Variants in DMRT1 observed in about 807,000 individuals in gnomAD.
The protein encoded by DMRT1 is doublesex and mab-3 related transcription factor 1, also known as doublesex- and mab-3-related transcription factor 1.
In DMRT1, 7 loss-of-function variants were observed where a neutral mutation model predicts 32.3. The ratio of observed to expected loss-of-function variants is 0.22; its 90% CI spans 0.12 to 0.41. DMRT1 has a LOEUF of 0.41. DMRT1 is among the 10% of genes least tolerant of loss of function. The pLI is 1.00. For synonymous variants in DMRT1, 278 were observed against 206.1 expected, an observed-to-expected ratio of 1.35 and a Z score of -2.99; for missense variants, 625 against 500.5, an observed-to-expected ratio of 1.25 and a Z score of -2.37.
rs144276519 is a variant in DMRT1, at chr9:927,656, G to A, written c.967+10749G>A. On this transcript the variant is annotated intron_variant, in intron 4 of 4. Transcript: ENST00000382276. ...TACTTCCCATCTTGCCCGTATACAC[G>A]GGGTATACAATAGATGCTGAGGTCA... is the stretch of plus-strand genomic sequence containing the variant. Among the ~76,000 whole-genome samples the A allele has an allele frequency of 4.5e-4, 68 of 152,262 alleles. 1 individual carries two copies. The East Asian group carries it at 0.013, about 28-fold the overall frequency.
intron 2 of DMRT1, among the ~76,000 whole-genome samples, chr9:885,412 G>A (rs980668288): frequency 3.9e-5 from 6 of 152,186 alleles, no homozygotes; most frequent in African/African-American, 1.4e-4. Context: ...AGCAGATAGG[G>A]GAGTCAGAAA....
intron 2 of DMRT1, among the ~76,000 whole-genome samples, chr9:881,301 A>G (rs1222429978): frequency 6.6e-6 from 1 of 152,246 alleles, no homozygotes; most frequent in Admixed American, 6.5e-5. Context: ...TGAACTAGGT[A>G]TAATCTTGAG....
At chr9:950,705 T>G (rs1819401021) in intron 4 of DMRT1, among the ~76,000 whole-genome samples, 1 of 152,188 alleles carries the variant, frequency 6.6e-6, no homozygotes. Context: ...TAGATGAGCC[T>G]TCCTAAGAAT....
chr9:889,377 T>C (rs936118438), intron 2 of DMRT1, among the ~76,000 whole-genome samples: 3 of 152,226 alleles, frequency 2.0e-5, no homozygotes, highest in African/African-American at 7.2e-5. Context: ...AAAGTTCAAA[T>C]GGTTTTATTA....
Position 847,007 on chromosome 9 carries a change from C to A in DMRT1, c.402C>A (p.Ser134Arg), listed in dbSNP as rs771785360. Residue 134 changes from serine (S) to arginine (R), a missense_variant, in exon 2 of 5, where the codon AGC becomes AGA. Coordinates refer to ENST00000382276, the MANE Select transcript of DMRT1 (RefSeq NM_021951.3). Reference sequence around the variant, plus strand: ...CCCAGGAGGAGGAATTGGGTATCAGCCACCCCATCCCACTGCCCAGTGCGG... The same window carrying A: ...CCCAGGAGGAGGAATTGGGTATCAGACACCCCATCCCACTGCCCAGTGCGG... The part of the protein sequence containing the change: ...QQAQEEELGI[S>R]HPIPLPSAAE... 6.2e-7 allele frequency: 1 copy of A among 1,614,140 alleles called. No homozygotes were observed. The highest frequency in any genetic ancestry group is 8.5e-7 in the Non-Finnish European group (1 of 1,180,048).
intron 3 of DMRT1, among the ~76,000 whole-genome samples, chr9:904,178 A>G (rs1212020834): frequency 6.6e-6 from 1 of 152,164 alleles, no homozygotes; most frequent in Non-Finnish European, 1.5e-5. Flanking sequence ...AAATTTAGAT[A>G]ATTAGATCAC....
intron 4 of DMRT1, among the ~76,000 whole-genome samples, chr9:961,584 G>C (rs1455620318): frequency 6.6e-6 from 1 of 152,192 alleles, no homozygotes; most frequent in South Asian, 2.1e-4. Flanking sequence ...CAAAAAGATT[G>C]AAAAAGGCAG....
intron 4 of DMRT1, among the ~76,000 whole-genome samples, chr9:939,562 G>A (rs1818994137): frequency 6.6e-6 from 1 of 152,108 alleles, no homozygotes; most frequent in Admixed American, 6.6e-5. Context: ...TTTGTTCTCT[G>A]GACTTTATTA....
At chr9:878,213 C>G (rs1025727056) in intron 2 of DMRT1, among the ~76,000 whole-genome samples, 3 of 130,722 alleles carry the variant, frequency 2.3e-5, no homozygotes, top group Admixed American at 7.8e-5. Context: ...CCCCCCCCAC[C>G]CAATAAAAAT....
chr9:871,402 G>T (rs185920995), intron 2 of DMRT1, among the ~76,000 whole-genome samples: 15 of 150,192 alleles, frequency 1.0e-4, no homozygotes, highest in Admixed American at 7.3e-4. Flanking sequence ...GCACAATCTC[G>T]GCTCACTGCA....
At chr9:905,848 C>T (rs1193114519) in intron 3 of DMRT1, among the ~76,000 whole-genome samples, 1 of 152,128 alleles carries the variant, frequency 6.6e-6, no homozygotes, top group South Asian at 2.1e-4. Context: ...TAGTACTGCA[C>T]GGCTGGAAAC....
At position 841,709 on chromosome 9, in the gene DMRT1, C is replaced by T. The variant is rs1258498219; in HGVS notation, c.-130C>T. On this transcript the variant is annotated 5_prime_UTR_variant, in exon 1 of 5. Transcript: ENST00000382276. Reference sequence around the variant, plus strand: ...CCCAGACCTCGCCACTCCAGCTGCGCCTCCGGCTGCAGCGCACACGTCTCC... The same window carrying T: ...CCCAGACCTCGCCACTCCAGCTGCGTCTCCGGCTGCAGCGCACACGTCTCC... 3.3e-6 allele frequency: 5 copies of T among 1,533,484 alleles called. No homozygotes were observed. In the Admixed American group the frequency reaches 9.8e-5, roughly 30 times the overall value. The allele number at this position is 1,533,484 out of a possible 1,614,324, so 95.0% of individuals were successfully genotyped here.
At chr9:850,536 C>A (rs895919128) in intron 2 of DMRT1, among the ~76,000 whole-genome samples, 4 of 152,094 alleles carry the variant, frequency 2.6e-5, no homozygotes, top group Non-Finnish European at 4.4e-5. Context: ...TTCTTCTAAC[C>A]CCAACCTGCA....
intron 4 of DMRT1, among the ~76,000 whole-genome samples, chr9:929,813 C>G (rs1342736902): frequency 6.6e-6 from 1 of 152,094 alleles, no homozygotes; most frequent in South Asian, 2.1e-4. Flanking sequence ...ACTGATGGCT[C>G]AGTCAGTAAA....
At chr9:894,377 G>C in intron 3 of DMRT1, 182 bp downstream of exon 3, 1 of 669,480 alleles carries the variant, frequency 1.5e-6, no homozygotes, top group Non-Finnish European at 2.6e-6. Context: ...GGCACAATAT[G>C]CAAAATGTGT....
At chr9:894,457 T>C (rs1483495053) in intron 3 of DMRT1, 1 of 547,428 alleles carries the variant, frequency 1.8e-6, no homozygotes, top group East Asian at 3.2e-5. Flanking sequence ...TGGAAAGAAA[T>C]AATGTACAAA....
At chr9:902,145 G>C (rs955895976) in intron 3 of DMRT1, among the ~76,000 whole-genome samples, 2 of 150,478 alleles carry the variant, frequency 1.3e-5, no homozygotes, top group Admixed American at 1.3e-4. Context: ...CCTGACCTCA[G>C]GTGATCCGCC....
At chr9:930,417 T>A (rs10125490) in intron 4 of DMRT1, among the ~76,000 whole-genome samples, 5,282 of 141,222 alleles carry the variant, frequency 0.037, 214 homozygotes, top group East Asian at 0.2. Context: ...ATTAAAAAAA[T>A]TTTTTTTTTT....
intron 3 of DMRT1, among the ~76,000 whole-genome samples, chr9:909,513 A>C (rs1052731127): frequency 2.0e-5 from 3 of 152,156 alleles, no homozygotes; most frequent in African/African-American, 7.2e-5. Context: ...ATCTATTAAA[A>C]CTAAAGCCAT....
Sources: allele counts gnomAD v4.1 joint callset (sites outside exome capture counted in the v4.1 genomes callset), GRCh38; gene constraint gnomAD v4.1.1; transcripts MANE v1.5; gene names NCBI Gene and HGNC (gene_info 2026-07-23, HGNC 2026-07-21).